The following THRAP3 variants were observed in gnomAD, a reference collection of about 807,000 sequenced individuals.
The protein encoded by THRAP3 is thyroid hormone receptor associated protein 3, also known as thyroid hormone receptor-associated protein 3.
Under a neutral mutation model 101.0 loss-of-function variants are expected in THRAP3, and 16 were observed. That is an observed-to-expected ratio of 0.16 (90% CI 0.11 to 0.24). The LOEUF (loss-of-function observed/expected upper bound fraction) is 0.24, where lower values mean the gene tolerates loss of function less well. THRAP3 is among the 10% of genes least tolerant of loss of function. The pLI is 1.00. For missense variants in THRAP3, 989 were observed against 1,202.7 expected, an observed-to-expected ratio of 0.82 and a Z score of 2.63; for synonymous variants, 407 against 422.6, an observed-to-expected ratio of 0.96 and a Z score of 0.45.
intron 2 of THRAP3, among the ~76,000 whole-genome samples, chr1:36,265,957 C>T (rs1446820694): frequency 6.6e-6 from 1 of 151,812 alleles, no homozygotes; most frequent in Non-Finnish European, 1.5e-5. Flanking sequence ...AGTTTGAGAC[C>T]AGCTTGGCCA....
chr1:36,214,050 GAAAGA>G, the THRAP3 span, among the ~76,000 whole-genome samples: 590 of 124,734 alleles, frequency 4.7e-3, 5 homozygotes, highest in Middle Eastern at 9.5e-3. Context: ...AAGAAAGAAA[GAAAGA>G]AAGAAAGAAA....
At chr1:36,277,945 TAG>T (rs1295427525) in intron 2 of THRAP3, among the ~76,000 whole-genome samples, 1 of 151,492 alleles carries the variant, frequency 6.6e-6, no homozygotes, top group Non-Finnish European at 1.5e-5. Context: ...TTTTTTTTAG[TAG>T]AGAGGGGGTT....
chr1:36,260,168 G>C (rs577183333), intron 2 of THRAP3, among the ~76,000 whole-genome samples: 10 of 152,258 alleles, frequency 6.6e-5, no homozygotes, highest in African/African-American at 2.2e-4. Flanking sequence ...CTTCAATGCA[G>C]AAGGTAGAGG....
At chr1:36,280,864 GA>G (rs1335619690) in intron 2 of THRAP3, among the ~76,000 whole-genome samples, 1 of 151,732 alleles carries the variant, frequency 6.6e-6, no homozygotes, top group African/African-American at 2.4e-5. Context: ...GGGAAAAAAG[GA>G]AAAAGACTAT....
chr1:36,244,320 A>T (rs1041655716), intron 1 of THRAP3, among the ~76,000 whole-genome samples: 1 of 152,176 alleles, frequency 6.6e-6, no homozygotes, highest in Non-Finnish European at 1.5e-5. Flanking sequence ...GTTTGGTTGA[A>T]AATAAGTTTC....
chr1:36,234,554 C>T (rs1210106381), intron 1 of THRAP3, among the ~76,000 whole-genome samples: 1 of 152,072 alleles, frequency 6.6e-6, no homozygotes, highest in Non-Finnish European at 1.5e-5. Context: ...GAAGGTATTT[C>T]TGAATAGTAA....
At chr1:36,210,784 G>A in the THRAP3 span, among the ~76,000 whole-genome samples, 1 of 105,944 alleles carries the variant, frequency 9.4e-6, no homozygotes, top group Non-Finnish European at 1.9e-5. Flanking sequence ...GGGAGCCTTT[G>A]GCAGTGGTTC....
chr1:36,289,695 C>T lies in THRAP3; in HGVS notation c.1676C>T (p.Ser559Phe). ...AAAGGAGATTTTCCCACAGGAAAGTCTTCCTTTTCCATTACTCGAGAGGCA... is the reference window on the plus strand; with the variant it reads ...AAAGGAGATTTTCCCACAGGAAAGTTTTCCTTTTCCATTACTCGAGAGGCA... Reference protein sequence around the residue: ...GAKGDFPTGKSSFSITREAQV... With the variant: ...GAKGDFPTGKFSFSITREAQV... The change falls in exon 5 of 12, where the codon TCT becomes TTT. Residue 559 changes from serine (S) to phenylalanine (F), a missense_variant. Coordinates refer to ENST00000354618, the MANE Select transcript of THRAP3 (RefSeq NM_005119.4). The T allele has an allele frequency of 6.2e-7, 1 of 1,614,060 alleles. No homozygotes were observed. Among genetic ancestry groups the T allele is most frequent in the Non-Finnish European group, 8.5e-7 (1 of 1,179,998 alleles).
At chr1:36,266,722 C>T (rs1291160745) in intron 2 of THRAP3, among the ~76,000 whole-genome samples, 1 of 152,084 alleles carries the variant, frequency 6.6e-6, no homozygotes, top group African/African-American at 2.4e-5. Flanking sequence ...CCTGAATTTG[C>T]ATTGTCTCAG....
intron 8 of THRAP3, among the ~76,000 whole-genome samples, chr1:36,296,230 T>A (rs974599814): frequency 1.3e-5 from 2 of 152,098 alleles, no homozygotes; most frequent in Non-Finnish European, 2.9e-5. Context: ...TGCCTCGGCC[T>A]CCCAAAGTTC....
chr1:36,278,921 C>T (rs939919126), intron 2 of THRAP3, among the ~76,000 whole-genome samples: 1 of 150,442 alleles, frequency 6.6e-6, no homozygotes, highest in Admixed American at 6.6e-5. Flanking sequence ...AAAACTCTGT[C>T]TCAAAAAAAA....
At chr1:36,250,366 A>G (rs1189330786) in intron 1 of THRAP3, among the ~76,000 whole-genome samples, 1 of 151,880 alleles carries the variant, frequency 6.6e-6, no homozygotes, top group African/African-American at 2.4e-5. Flanking sequence ...GGCGCCCGCC[A>G]CCACACCCAG....
chr1:36,291,276 T>TA, intron 5 of THRAP3, 98 bp from the exon 6 acceptor site: 1 of 1,274,398 alleles, frequency 7.8e-7, no homozygotes, highest in Non-Finnish European at 1.1e-6. Context: ...AAGAAGTTTA[T>TA]AGATAGATTT....
At position 36,304,001 on chromosome 1, in the gene THRAP3, A is replaced by G. The variant is rs778629682; in HGVS notation, c.2852A>G (p.Gln951Arg). 6.4e-7 allele frequency: 1 copy of G among 1,563,130 alleles called. No individual in the cohort carries two copies. The highest frequency in any genetic ancestry group is 8.7e-7 in the Non-Finnish European group (1 of 1,154,660). Reference protein sequence around the residue: ...TENREEKDNIQPTTE With the variant: ...TENREEKDNIRPTTE ...AACCGAGAAGAGAAGGACAATATAC[A>G]GCCCACAACCGAGTAGGGGCCACCC... The change falls in exon 12 of 12, where the codon CAG becomes CGG. Residue 951 changes from glutamine (Q) to arginine (R), a missense_variant. Coordinates refer to ENST00000354618, the MANE Select transcript of THRAP3 (RefSeq NM_005119.4).
Position 36,295,954 on chromosome 1 carries a change from C to CTTTTTTTTT in THRAP3, c.2116-600_2116-592dup, listed in dbSNP as rs575028397. 3.5e-4 allele frequency among the ~76,000 whole-genome samples: 21 copies of CTTTTTTTTT among 60,498 alleles called. 2 individuals are homozygous for CTTTTTTTTT. In the East Asian group the frequency reaches 4.0e-3, roughly 11 times the overall value. 39.7% of individuals were successfully genotyped at this position (60,498 alleles called of 152,430 possible). A position where few individuals can be genotyped will look rare whatever the true frequency, so the allele number is the denominator to read the frequency against. ...CCAGAGCTAATTTTAGCCTTCTCAA[C>CTTTTTTTTT]TTTTTTTTTTTTTTTTTTTTTTTTT... On this transcript the variant is annotated intron_variant, in intron 8 of 11. Transcript: ENST00000354618.
chr1:36,259,887 A>G (rs1481022344), intron 2 of THRAP3, among the ~76,000 whole-genome samples: 1 of 152,186 alleles, frequency 6.6e-6, no homozygotes, highest in Non-Finnish European at 1.5e-5. Flanking sequence ...ATCTGTAATC[A>G]TTAATATTTT....
chr1:36,248,465 T>G (rs992499704), intron 1 of THRAP3, among the ~76,000 whole-genome samples: 16 of 102,202 alleles, frequency 1.6e-4, no homozygotes, highest in Non-Finnish European at 3.2e-4. Flanking sequence ...TTTTTTTTTT[T>G]GTGAGACAGT....
intron 1 of THRAP3, among the ~76,000 whole-genome samples, chr1:36,237,241 G>A (rs1645100905): frequency 6.6e-6 from 1 of 152,162 alleles, no homozygotes; most frequent in African/African-American, 2.4e-5. Context: ...GCTGAGGCAG[G>A]TGGATCATCT....
At chr1:36,246,347 C>G (rs1448625693) in intron 1 of THRAP3, among the ~76,000 whole-genome samples, 1 of 152,178 alleles carries the variant, frequency 6.6e-6, no homozygotes, top group Non-Finnish European at 1.5e-5. Context: ...ATTCTCCTGC[C>G]TCAGCCTCCT....
Sources: gnomAD v4.1 joint callset for allele counts (sites outside exome capture counted in the v4.1 genomes callset) on GRCh38, gnomAD v4.1.1 for gene constraint, MANE v1.5 for transcripts, NCBI Gene and HGNC (gene_info 2026-07-23, HGNC 2026-07-21) for gene names.